The following TP63 variants were observed in gnomAD, a reference collection of about 807,000 sequenced individuals.
TP63 encodes the protein tumor protein 63.
TP63 carries 17 observed loss-of-function variants against 82.8 expected under a neutral mutation model. The observed-to-expected ratio is 0.21, with a 90% CI of 0.14 to 0.31. The LOEUF (loss-of-function observed/expected upper bound fraction) is 0.31, where lower values mean the gene tolerates loss of function less well. Ranked by LOEUF, TP63 falls within the 10% of genes least tolerant of loss-of-function variation. The pLI is 1.00. For missense variants in TP63, 648 were observed against 895.3 expected (o/e 0.72, Z 3.52); for synonymous variants, 330 against 321.7 (o/e 1.03, Z -0.28).
intron 4 of TP63, among the ~76,000 whole-genome samples, chr3:189,821,458 C>T (rs866222808): frequency 3.9e-5 from 6 of 152,294 alleles, no homozygotes; most frequent in Middle Eastern, 3.4e-3. Flanking sequence ...TCTTTTGTCA[C>T]TGGTCTCAAT....
At chr3:189,778,814 A>G (rs911024035) in intron 3 of TP63, among the ~76,000 whole-genome samples, 2 of 152,226 alleles carry the variant, frequency 1.3e-5, no homozygotes. Context: ...CCCTTACCCC[A>G]TAGAGAAACT....
chr3:189,845,846 T>C (rs1232163672), intron 4 of TP63, among the ~76,000 whole-genome samples: 1 of 151,594 alleles, frequency 6.6e-6, no homozygotes, highest in African/African-American at 2.4e-5. Flanking sequence ...AAGATAGCCA[T>C]GTGATTTGAG....
At chr3:189,599,364 T>C in the TP63 span, among the ~76,000 whole-genome samples, 36 of 152,342 alleles carry the variant, frequency 2.4e-4, no homozygotes, top group South Asian at 1.9e-3. Context: ...TCTTTGAAAT[T>C]TGTGGACCCA....
At chr3:189,874,902 A>G (rs747086520) in intron 10 of TP63, among the ~76,000 whole-genome samples, 12 of 151,794 alleles carry the variant, frequency 7.9e-5, no homozygotes, top group Non-Finnish European at 1.6e-4. Context: ...TGAAAGTTTG[A>G]CTATACCAAA....
chr3:189,880,949 G>A (rs553747032), intron 10 of TP63: 2 of 985,314 alleles, frequency 2.0e-6, no homozygotes, highest in African/African-American at 1.7e-5. Flanking sequence ...ACTGTTGTTT[G>A]GCCCCCATAG....
At chr3:189,863,495 A>G (rs1717299290) in intron 4 of TP63, among the ~76,000 whole-genome samples, 2 of 152,084 alleles carry the variant, frequency 1.3e-5, no homozygotes, top group African/African-American at 2.4e-5. Context: ...CTCCCTGGAG[A>G]AGGAAAAATT....
chr3:189,718,278 T>G (rs1206152683), intron 1 of TP63, among the ~76,000 whole-genome samples: 1 of 147,786 alleles, frequency 6.8e-6, no homozygotes, highest in African/African-American at 2.5e-5. Flanking sequence ...TGTATTAGTT[T>G]GTTTTCACAG....
chr3:189,711,125 C>CTT (rs1172987036), intron 1 of TP63, among the ~76,000 whole-genome samples: 2 of 152,162 alleles, frequency 1.3e-5, no homozygotes, highest in African/African-American at 4.8e-5. Flanking sequence ...AGAGATAAGA[C>CTT]TTTTGACCTT....
chr3:189,676,396 G>C (rs1715398235), intron 1 of TP63, among the ~76,000 whole-genome samples: 1 of 152,002 alleles, frequency 6.6e-6, no homozygotes, highest in Non-Finnish European at 1.5e-5. Flanking sequence ...CCATATGTAA[G>C]TGGGATCATG....
At chr3:189,760,058 A>G (rs1202457340) in intron 3 of TP63, among the ~76,000 whole-genome samples, 14 of 152,186 alleles carry the variant, frequency 9.2e-5, no homozygotes, top group Admixed American at 5.2e-4. Context: ...CTATGATTCA[A>G]TCCTCTACCA....
At chr3:189,613,792 A>G in the TP63 span, among the ~76,000 whole-genome samples, 1 of 152,196 alleles carries the variant, frequency 6.6e-6, no homozygotes, top group African/African-American at 2.4e-5. Flanking sequence ...GAGTCAAAGG[A>G]GATCATTTTG....
In TP63 at chr3:189,818,286, A is replaced by G. The variant is rs143163346; in HGVS notation, c.579+9760A>G. Among the ~76,000 whole-genome samples, 101 of 152,164 alleles carry G rather than the reference A, an allele frequency of 6.6e-4. No homozygotes were observed. The East Asian group carries it at 0.018, about 27-fold the overall frequency. ...ATTTCTGACCAAGCTATTGTCATCA[A>G]GTAAGTAATAGATATGTTTAACTCT... On this transcript the variant is annotated intron_variant, in intron 4 of 13. Transcript: ENST00000264731.
chr3:189,865,466 G>C (rs560488128), intron 5 of TP63, among the ~76,000 whole-genome samples: 1 of 152,328 alleles, frequency 6.6e-6, no homozygotes, highest in South Asian at 2.1e-4. Context: ...ACTAAACAGA[G>C]AGTGCTGAAA....
intron 10 of TP63, among the ~76,000 whole-genome samples, chr3:189,878,288 A>G: frequency 6.6e-6 from 1 of 151,958 alleles, no homozygotes; most frequent in East Asian, 1.9e-4. Context: ...AATATCTGAA[A>G]TTGCCAGCTT....
intron 1 of TP63, among the ~76,000 whole-genome samples, chr3:189,666,606 T>C (rs1172127359): frequency 6.6e-6 from 1 of 152,074 alleles, no homozygotes; most frequent in Non-Finnish European, 1.5e-5. Flanking sequence ...TATTAAGAAA[T>C]GATTTAGAAT....
chr3:189,775,215 T>G (rs1217351946), intron 3 of TP63, among the ~76,000 whole-genome samples: 1 of 87,716 alleles, frequency 1.1e-5, no homozygotes, highest in Non-Finnish European at 2.2e-5. Flanking sequence ...AGTAAAACTC[T>G]GTCTCAAAAA....
chr3:189,816,859 C>A (rs10937414), intron 4 of TP63, among the ~76,000 whole-genome samples: 85,970 of 151,464 alleles, frequency 0.57, 25,316 homozygotes, highest in Admixed American at 0.7. Flanking sequence ...TTAAGCCCCC[C>A]ACGTGAAATT....
At chr3:189,821,238 T>C (rs1728763391) in intron 4 of TP63, among the ~76,000 whole-genome samples, 1 of 152,262 alleles carries the variant, frequency 6.6e-6, no homozygotes, top group East Asian at 1.9e-4. Flanking sequence ...TTTACTTTTA[T>C]GTTCTTTCTA....
intron 4 of TP63, among the ~76,000 whole-genome samples, chr3:189,824,315 C>T (rs962027465): frequency 2.0e-5 from 3 of 151,894 alleles, no homozygotes; most frequent in Admixed American, 1.3e-4. Context: ...CTCCTGGGTT[C>T]GAGCCATTCC....
Sources: allele counts gnomAD v4.1 joint callset (sites outside exome capture counted in the v4.1 genomes callset), GRCh38; gene constraint gnomAD v4.1.1; transcripts MANE v1.5; gene names NCBI Gene and HGNC (gene_info 2026-07-23, HGNC 2026-07-21).